Variants in CNTN5 observed in about 807,000 individuals in gnomAD.
CNTN5 encodes contactin-5.
In CNTN5, 77 loss-of-function variants were observed where a neutral mutation model predicts 129.1. That is an observed-to-expected ratio of 0.60 (90% confidence interval 0.50 to 0.72). The LOEUF (loss-of-function observed/expected upper bound fraction) is 0.72. Ranked by LOEUF, CNTN5 falls within the 30% of genes least tolerant of loss-of-function variation. The pLI is 0.00. For missense variants in CNTN5, 1,478 were observed against 1,328.8 expected (o/e 1.11, Z -1.75); for synonymous variants, 509 against 465.6 (o/e 1.09, Z -1.20).
chr11:99,334,258 T>C (rs1185815134), intron 2 of CNTN5, among the ~76,000 whole-genome samples: 4 of 152,076 alleles, frequency 2.6e-5, no homozygotes, highest in African/African-American at 9.7e-5. Flanking sequence ...GATGGGCCTC[T>C]AGAAATACAC....
chr11:99,685,500 T>C (rs1191558301), intron 3 of CNTN5, among the ~76,000 whole-genome samples: 1 of 151,992 alleles, frequency 6.6e-6, no homozygotes, highest in East Asian at 1.9e-4. Flanking sequence ...ATTATTTTTG[T>C]CAATTTCAGC....
intron 3 of CNTN5, among the ~76,000 whole-genome samples, chr11:99,640,091 C>A (rs1281669464): frequency 6.6e-6 from 1 of 152,130 alleles, no homozygotes; most frequent in East Asian, 1.9e-4. Flanking sequence ...TTACTATCAG[C>A]ATTTTGGACA....
intron 1 of CNTN5, among the ~76,000 whole-genome samples, chr11:99,045,703 A>G (rs1418254554): frequency 6.6e-6 from 1 of 152,192 alleles, no homozygotes; most frequent in East Asian, 1.9e-4. Flanking sequence ...GCAAAACTTT[A>G]AGCATCGGGG....
intron 3 of CNTN5, among the ~76,000 whole-genome samples, chr11:99,627,024 T>C (rs1421204083): frequency 6.6e-6 from 1 of 152,122 alleles, no homozygotes; most frequent in Non-Finnish European, 1.5e-5. Flanking sequence ...TAGTTTCAGA[T>C]GAGAATCTGC....
At position 99,590,163 on chromosome 11, in the gene CNTN5, A is replaced by G. The variant is rs75527449; in HGVS notation, c.55+33894A>G. Among the ~76,000 whole-genome samples the G allele has an allele frequency of 6.6e-3, 1,011 of 152,132 alleles. 16 individuals are homozygous for G. Among genetic ancestry groups the G allele is most frequent in the African/African-American group, 0.023 (967 of 41,506 alleles). On this transcript the variant is annotated intron_variant, in intron 3 of 24. Coordinates refer to ENST00000524871, the MANE Select transcript of CNTN5 (RefSeq NM_014361.4). ...TGAATGCAGTGGGAGGGGAAAGTGG[A>G]AAAAAAAGAGGACAGCAATGATTAT...
intron 1 of CNTN5, among the ~76,000 whole-genome samples, chr11:99,121,739 A>G (rs1248967783): frequency 6.6e-6 from 1 of 152,040 alleles, no homozygotes; most frequent in Non-Finnish European, 1.5e-5. Flanking sequence ...TGCCTACAGT[A>G]TTTTCAATAT....
At chr11:99,197,178 C>A (rs1858945495) in intron 1 of CNTN5, among the ~76,000 whole-genome samples, 1 of 151,728 alleles carries the variant, frequency 6.6e-6, no homozygotes, top group Non-Finnish European at 1.5e-5. Context: ...TTAACACATC[C>A]CAAAGAATGA....
intron 3 of CNTN5, among the ~76,000 whole-genome samples, chr11:99,615,921 A>C (rs1033753621): frequency 1.3e-5 from 2 of 151,866 alleles, no homozygotes; most frequent in Non-Finnish European, 2.9e-5. Flanking sequence ...CTTTTTGCCG[A>C]GACAGGGTTT....
chr11:100,107,601 G>C (rs747320239), intron 13 of CNTN5, among the ~76,000 whole-genome samples: 10 of 151,058 alleles, frequency 6.6e-5, no homozygotes, highest in African/African-American at 1.9e-4. Context: ...TTAATTAAAG[G>C]CTGGCTAAAA....
chr11:99,609,028 T>G (rs897862261), intron 3 of CNTN5, among the ~76,000 whole-genome samples: 2 of 152,218 alleles, frequency 1.3e-5, no homozygotes, highest in Admixed American at 1.3e-4. Flanking sequence ...TAGCTTTGTA[T>G]GCCAGTTTCA....
intron 1 of CNTN5, among the ~76,000 whole-genome samples, chr11:99,099,918 C>A (rs563790672): frequency 6.6e-6 from 1 of 152,042 alleles, no homozygotes; most frequent in East Asian, 1.9e-4. Context: ...CTCAAAGTAC[C>A]TTTTCCTGAA....
chr11:99,245,961 G>GCC (rs563028226), intron 1 of CNTN5, among the ~76,000 whole-genome samples: 173 of 152,244 alleles, frequency 1.1e-3, no homozygotes, highest in Non-Finnish European at 2.1e-3. Flanking sequence ...AGAACCCACT[G>GCC]ATCTAAGGGA....
At chr11:99,903,235 CA>C (rs1167746817) in intron 6 of CNTN5, among the ~76,000 whole-genome samples, 1 of 151,814 alleles carries the variant, frequency 6.6e-6, no homozygotes, top group Non-Finnish European at 1.5e-5. Flanking sequence ...CACTCAAGCA[CA>C]CATATGCGAA....
chr11:100,094,922 C>T (rs1219667723), intron 13 of CNTN5, among the ~76,000 whole-genome samples: 2 of 152,114 alleles, frequency 1.3e-5, no homozygotes, highest in Non-Finnish European at 2.9e-5. Context: ...TAAGTAGAGA[C>T]ACTAGTATCA....
intron 3 of CNTN5, among the ~76,000 whole-genome samples, chr11:99,819,301 T>TC (rs1565566813): frequency 1.5e-4 from 9 of 59,844 alleles, no homozygotes; most frequent in Non-Finnish European, 2.9e-4. Context: ...TCTCCTCCCC[T>TC]TCCCTCCCCT....
rs1331211867 is a variant in CNTN5 at position 100,297,710 on chromosome 11, TC to T, written c.2385+17del. 6.4e-7 allele frequency: 1 copy of T among 1,569,154 alleles called. No homozygotes were observed. The highest frequency in any genetic ancestry group is 1.2e-5 in the South Asian group (1 of 86,868). ...TTGCCTGGGAGGTAAGAAAAACACA[TC>T]CTCTCACAAATTACTCCACGTGTTT... On this transcript the variant is annotated intron_variant, in intron 19 of 24. Transcript: ENST00000524871.
chr11:100,175,483 C>G (rs1947939575), intron 13 of CNTN5, among the ~76,000 whole-genome samples: 1 of 152,068 alleles, frequency 6.6e-6, no homozygotes, highest in Non-Finnish European at 1.5e-5. Flanking sequence ...CTATAAAATA[C>G]AGTGATTCAA....
chr11:99,367,685 A>G (rs1271098431), intron 2 of CNTN5, among the ~76,000 whole-genome samples: 1 of 152,172 alleles, frequency 6.6e-6, no homozygotes, highest in Non-Finnish European at 1.5e-5. Context: ...CCAGCTAGCT[A>G]TAGGAGAAAA....
intron 6 of CNTN5, among the ~76,000 whole-genome samples, chr11:99,864,507 T>TA (rs2135783412): frequency 6.6e-6 from 1 of 152,280 alleles, no homozygotes; most frequent in South Asian, 2.1e-4. Context: ...TATAGCACTG[T>TA]AGTCTTCCCT....
Sources: gnomAD v4.1 joint callset for allele counts (sites outside exome capture counted in the v4.1 genomes callset) on GRCh38, gnomAD v4.1.1 for gene constraint, MANE v1.5 for transcripts, NCBI Gene and HGNC (gene_info 2026-07-23, HGNC 2026-07-21) for gene names.